Variants in TFAP2B observed in about 807,000 individuals in gnomAD.
The protein encoded by TFAP2B is transcription factor AP-2 beta, also known as transcription factor AP-2-beta.
TFAP2B carries 9 observed loss-of-function variants against 44.3 expected under a neutral mutation model. The ratio of observed to expected loss-of-function variants is 0.20; its 90% confidence interval spans 0.12 to 0.35. The LOEUF (loss-of-function observed/expected upper bound fraction) is 0.35, where lower values mean the gene tolerates loss of function less well. TFAP2B is among the 10% of genes least tolerant of loss of function. The pLI is 1.00. For missense variants in TFAP2B, 509 were observed against 600.0 expected (o/e 0.85, Z 1.59); for synonymous variants, 270 against 263.8 (o/e 1.02, Z -0.23).
Position 50,843,412 on chromosome 6 carries a change from G to A in TFAP2B, c.*20G>A, listed in dbSNP as rs1295895729. On this transcript the variant is annotated 3_prime_UTR_variant, in exon 7 of 7. Transcript: ENST00000393655. ...AAATGAAAAATTTTTAAAAAAAGAA[G>A]GAAAAATGTTTTAAATACAAAAGGA... 2 of 1,605,642 alleles carry A rather than the reference G, an allele frequency of 1.2e-6. No individual in the cohort carries two copies. The highest frequency in any genetic ancestry group is 4.5e-5 in the East Asian group (2 of 44,448).
chr6:50,838,333 C>T (rs1762662314), intron 5 of TFAP2B, among the ~76,000 whole-genome samples: 1 of 152,122 alleles, frequency 6.6e-6, no homozygotes, highest in Non-Finnish European at 1.5e-5. Flanking sequence ...GTGCTCAGGT[C>T]CAGCCTCCAA....
At chr6:50,821,009 CT>C (rs1444883167) in intron 1 of TFAP2B, among the ~76,000 whole-genome samples, 1 of 152,064 alleles carries the variant, frequency 6.6e-6, no homozygotes, top group African/African-American at 2.4e-5. Context: ...CCTAAATTTT[CT>C]GCTCAAAAAA....
At position 50,844,255 on chromosome 6, in the gene TFAP2B, A is replaced by G. The variant is rs1054089241; in HGVS notation, c.*863A>G. On this transcript the variant is annotated 3_prime_UTR_variant, in exon 7 of 7. Transcript: ENST00000393655. Reference sequence around the variant, plus strand: ...GCATAGAGAGAATCTCACATTTATTATATTTGTGTCATCTACTAATTTTAT... The same window carrying G: ...GCATAGAGAGAATCTCACATTTATTGTATTTGTGTCATCTACTAATTTTAT... 2 of 151,204 alleles carry G rather than the reference A, an allele frequency of 1.3e-5. No homozygotes were observed. The highest frequency in any genetic ancestry group is 2.9e-5 in the Non-Finnish European group (2 of 67,946). 9.4% of individuals were successfully genotyped at this position (151,204 alleles called of 1,614,324 possible).
intron 1 of TFAP2B, among the ~76,000 whole-genome samples, chr6:50,822,853 G>A (rs189632614): frequency 6.6e-6 from 1 of 152,312 alleles, no homozygotes; most frequent in East Asian, 1.9e-4. Flanking sequence ...TGATCAGGTT[G>A]TGTGGAAAGC....
At chr6:50,818,639 G>A, upstream of TFAP2B, 1 of 497,294 alleles carries the variant, frequency 2.0e-6, no homozygotes, top group Non-Finnish European at 3.6e-6. Flanking sequence ...CTATATGTGG[G>A]TGTCTGGGTG....
At chr6:50,842,582 AAC>A (rs1183138723) in intron 6 of TFAP2B, among the ~76,000 whole-genome samples, 1 of 152,228 alleles carries the variant, frequency 6.6e-6, no homozygotes, top group African/African-American at 2.4e-5. Context: ...CTCTAGAATA[AAC>A]AGTTTCTTGC....
chr6:50,834,086 G>T (rs942801391), intron 3 of TFAP2B, among the ~76,000 whole-genome samples: 2 of 152,156 alleles, frequency 1.3e-5, no homozygotes, highest in African/African-American at 4.8e-5. Context: ...CCTTCACTAT[G>T]AGTCTGAATT....
Position 50,843,388 on chromosome 6 carries a change from A to C in TFAP2B, c.1379A>C (p.Lys460Thr), listed in dbSNP as rs1762773801. 6.2e-7 allele frequency: 1 copy of C among 1,612,618 alleles called. No homozygotes were observed. Among genetic ancestry groups the C allele is most frequent in the Non-Finnish European group, 8.5e-7 (1 of 1,179,794 alleles). The part of the protein sequence containing the change: ...KTGDKEEKHR[K>T] ...GGCGACAAGGAGGAGAAACACAGGAAATGAAAAATTTTTAAAAAAAGAAGG... is the reference window on the plus strand; with the variant it reads ...GGCGACAAGGAGGAGAAACACAGGACATGAAAAATTTTTAAAAAAAGAAGG... Residue 460 changes from lysine to threonine, a missense_variant, in exon 7 of 7, where the codon AAA (lysine) becomes ACA (threonine). Coordinates refer to ENST00000393655, the MANE Select transcript of TFAP2B (RefSeq NM_003221.4).
intron 3 of TFAP2B, among the ~76,000 whole-genome samples, chr6:50,833,145 C>T (rs998774205): frequency 6.6e-6 from 1 of 152,216 alleles, no homozygotes; most frequent in Non-Finnish European, 1.5e-5. Context: ...CTATCTCAGT[C>T]ATCTCTGGGT....
intron 3 of TFAP2B, among the ~76,000 whole-genome samples, chr6:50,832,721 G>A (rs985625789): frequency 1.3e-5 from 2 of 150,840 alleles, no homozygotes; most frequent in South Asian, 4.2e-4. Flanking sequence ...CCAGCAGATA[G>A]AATCAAATAC....
At position 50,847,528 on chromosome 6, in the gene TFAP2B, A is replaced by G. The variant is rs1762874345; in HGVS notation, c.*4136A>G. ...ATCTGAATTTTTCTGTTCTTTATAA[A>G]CAAGCTGTTATGGTAATGGGTAGAA... On this transcript the variant is annotated 3_prime_UTR_variant, in exon 7 of 7. Coordinates refer to ENST00000393655, the MANE Select transcript of TFAP2B (RefSeq NM_003221.4). 6.6e-6 allele frequency: 1 copy of G among 152,640 alleles called. No homozygotes were observed. Among genetic ancestry groups the G allele is most frequent in the South Asian group, 2.1e-4 (1 of 4,830 alleles). The allele number at this position is 152,640 out of a possible 1,614,324, so 9.5% of individuals were successfully genotyped here.
intron 2 of TFAP2B, among the ~76,000 whole-genome samples, chr6:50,828,294 C>T (rs916202637): frequency 6.6e-6 from 1 of 152,158 alleles, no homozygotes; most frequent in Admixed American, 6.5e-5. Context: ...AATCTGTCAG[C>T]TGTTGCCAAA....
At chr6:50,824,005 T>C (rs762668582) in intron 2 of TFAP2B, 140 bp downstream of exon 2, 9 of 941,824 alleles carry the variant, frequency 9.6e-6, no homozygotes, top group African/African-American at 1.6e-5. Context: ...TAGACAGTCA[T>C]ATAGAACTGT....
At chr6:50,820,773 G>A (rs1714921588) in intron 1 of TFAP2B, among the ~76,000 whole-genome samples, 1 of 152,242 alleles carries the variant, frequency 6.6e-6, no homozygotes, top group Admixed American at 6.5e-5. Context: ...GCATGCAGAG[G>A]CATTTCAGTG....
At chr6:50,825,462 G>GT (rs1380851134) in intron 2 of TFAP2B, among the ~76,000 whole-genome samples, 4 of 152,116 alleles carry the variant, frequency 2.6e-5, no homozygotes, top group Admixed American at 2.6e-4. Flanking sequence ...TACAGGCCAA[G>GT]TGACTCTAGC....
rs1287281407 is a variant in TFAP2B at position 50,844,036 on chromosome 6, C to T, written c.*644C>T. On this transcript the variant is annotated 3_prime_UTR_variant, in exon 7 of 7. Coordinates refer to ENST00000393655, the MANE Select transcript of TFAP2B (RefSeq NM_003221.4). ...CGATCTTAACTCACCGGGCCCGGCT[C>T]CCCGGCCGCTTGCATAATTAGGGAG... The T allele has an allele frequency of 6.6e-6, 1 of 152,382 alleles. No homozygotes were observed. The allele number at this position is 152,382 out of a possible 1,614,324, so 9.4% of individuals were successfully genotyped here. A position where few individuals can be genotyped will look rare whatever the true frequency, so the allele number is the denominator to read the frequency against.
rs983861559 is a variant in TFAP2B, at chr6:50,844,031, C to G, written c.*639C>G. 2 of 152,332 alleles carry G rather than the reference C, an allele frequency of 1.3e-5. No individual in the cohort carries two copies. The highest frequency in any genetic ancestry group is 1.3e-4 in the Admixed American group (2 of 15,282). 9.4% of individuals were successfully genotyped at this position (152,332 alleles called of 1,614,324 possible). On this transcript the variant is annotated 3_prime_UTR_variant, in exon 7 of 7. Transcript: ENST00000393655. ...CCCTGCGATCTTAACTCACCGGGCCCGGCTCCCCGGCCGCTTGCATAATTA... is the reference window on the plus strand; with the variant it reads ...CCCTGCGATCTTAACTCACCGGGCCGGGCTCCCCGGCCGCTTGCATAATTA...
chr6:50,837,938 C>G, intron 4 of TFAP2B, 37 bp from the exon 5 acceptor site: 1 of 1,525,098 alleles, frequency 6.6e-7, no homozygotes, highest in Middle Eastern at 1.7e-4. Flanking sequence ...CAGGAACACT[C>G]TAAGGTTAAT....
chr6:50,842,181 C>CT lies in TFAP2B; in HGVS notation c.1083-908dup, dbSNP rs1181600428. On this transcript the variant is annotated intron_variant, in intron 6 of 6. Coordinates refer to ENST00000393655, the MANE Select transcript of TFAP2B (RefSeq NM_003221.4). ...CTGCCCATCTGTGAAAAGCTGTGGC[C>CT]TTTGGGATGCTGTGTGTCTGCCTGC... Among the ~76,000 whole-genome samples, 5 of 152,206 alleles carry CT rather than the reference C, an allele frequency of 3.3e-5. No individual in the cohort carries two copies. The East Asian group carries it at 9.6e-4, about 29-fold the overall frequency.
Sources: gnomAD v4.1 joint callset for allele counts (sites outside exome capture counted in the v4.1 genomes callset) on GRCh38, gnomAD v4.1.1 for gene constraint, MANE v1.5 for transcripts, NCBI Gene and HGNC (gene_info 2026-07-23, HGNC 2026-07-21) for gene names.